Variants in AGO3 observed in about 807,000 individuals in gnomAD.
The protein encoded by AGO3 is protein argonaute-3.
In AGO3, 16 loss-of-function variants were observed where a neutral mutation model predicts 105.5. The observed-to-expected ratio is 0.15, with a 90% CI of 0.10 to 0.23. The LOEUF (loss-of-function observed/expected upper bound fraction) is 0.23, where lower values mean the gene tolerates loss of function less well. AGO3 is among the 10% of genes least tolerant of loss of function. AGO3 has a pLI of 1.00. For synonymous variants in AGO3, 340 were observed against 367.3 expected, an observed-to-expected ratio of 0.93 and a Z score of 0.85; for missense variants, 534 against 1,088.0, an observed-to-expected ratio of 0.49 and a Z score of 7.16.
intron 2 of AGO3, among the ~76,000 whole-genome samples, chr1:35,962,047 GT>G (rs1646686275): frequency 6.6e-6 from 1 of 152,084 alleles, no homozygotes; most frequent in South Asian, 2.1e-4. Context: ...TAACATGCTA[GT>G]CATGTCTTCC....
chr1:35,995,209 A>AAAAAATATATATATAT (rs1237315557), intron 5 of AGO3, among the ~76,000 whole-genome samples: 14 of 114,738 alleles, frequency 1.2e-4, no homozygotes, highest in African/African-American at 4.9e-4. Context: ...TAAAAAAAAA[A>AAAAAATATATATATAT]ATATATATAT....
At chr1:36,019,775 T>TTTGTTTGTTTGTTTGC (rs1641118356) in intron 11 of AGO3, among the ~76,000 whole-genome samples, 1 of 152,202 alleles carries the variant, frequency 6.6e-6, no homozygotes, top group African/African-American at 2.4e-5. Context: ...TGTTTGTTTG[T>TTTGTTTGTTTGTTTGC]TTGTTTGTTT....
intron 17 of AGO3, among the ~76,000 whole-genome samples, chr1:36,047,496 A>C (rs1416872163): frequency 1.3e-5 from 2 of 152,058 alleles, no homozygotes; most frequent in East Asian, 3.9e-4. Context: ...CGCCTCTGAG[A>C]CTTATGAAAC....
intron 5 of AGO3, among the ~76,000 whole-genome samples, chr1:35,978,446 C>A (rs1646992209): frequency 6.6e-6 from 1 of 152,206 alleles, no homozygotes; most frequent in Non-Finnish European, 1.5e-5. Flanking sequence ...CCTCCCTCCG[C>A]CTTCCCAAGT....
chr1:36,004,255 A>C, intron 5 of AGO3, 86 bp from the exon 6 acceptor site: 5 of 1,380,528 alleles, frequency 3.6e-6, no homozygotes, highest in Non-Finnish European at 4.9e-6. Flanking sequence ...TTTTAACCCT[A>C]TAGATAGTTA....
intron 1 of AGO3, among the ~76,000 whole-genome samples, chr1:35,932,509 CA>C (rs1646070818): frequency 6.7e-6 from 1 of 148,946 alleles, no homozygotes; most frequent in Non-Finnish European, 1.5e-5. Flanking sequence ...CAAATGGTTG[CA>C]AAAAAGCACT....
chr1:35,995,209 A>AAAAAAATATATATAT (rs1237315557), intron 5 of AGO3, among the ~76,000 whole-genome samples: 11 of 114,732 alleles, frequency 9.6e-5, no homozygotes, highest in African/African-American at 3.4e-4. Flanking sequence ...TAAAAAAAAA[A>AAAAAAATATATATAT]ATATATATAT....
intron 5 of AGO3, chr1:35,982,935 C>T: frequency 3.1e-6 from 1 of 323,578 alleles, no homozygotes; most frequent in Non-Finnish European, 5.6e-6. Flanking sequence ...CCTAGAGAAG[C>T]AGAACCAGTA....
chr1:35,954,083 A>G (rs1458075157), intron 2 of AGO3, among the ~76,000 whole-genome samples: 2 of 152,214 alleles, frequency 1.3e-5, no homozygotes, highest in Non-Finnish European at 2.9e-5. Context: ...AACATACTTC[A>G]GAAAACACTA....
chr1:36,013,583 G>A, intron 9 of AGO3, 47 bp from the exon 10 acceptor site: 1 of 1,609,096 alleles, frequency 6.2e-7, no homozygotes. Context: ...TAAAGTAGGG[G>A]ATTTGGGGGA....
chr1:36,023,103 A>G (rs1320684170), intron 11 of AGO3, among the ~76,000 whole-genome samples: 1 of 152,222 alleles, frequency 6.6e-6, no homozygotes, highest in Non-Finnish European at 1.5e-5. Context: ...AAGTCAGTTA[A>G]TTATCAGATC....
At chr1:35,954,968 G>A (rs1646537409) in intron 2 of AGO3, among the ~76,000 whole-genome samples, 1 of 152,198 alleles carries the variant, frequency 6.6e-6, no homozygotes, top group Non-Finnish European at 1.5e-5. Flanking sequence ...GTTGTCCAGT[G>A]GACAGGGAGA....
chr1:36,044,485 A>T (rs1385927980), intron 17 of AGO3, among the ~76,000 whole-genome samples: 1 of 151,914 alleles, frequency 6.6e-6, no homozygotes, highest in Non-Finnish European at 1.5e-5. Flanking sequence ...GTACAGTGGC[A>T]TGATCTCGGC....
intron 5 of AGO3, among the ~76,000 whole-genome samples, chr1:35,994,889 T>G (rs955165204): frequency 6.6e-6 from 1 of 152,126 alleles, no homozygotes; most frequent in Non-Finnish European, 1.5e-5. Flanking sequence ...CTCAAATTGT[T>G]AAGAATTTCA....
intron 11 of AGO3, among the ~76,000 whole-genome samples, 168 bp from the exon 12 acceptor site, chr1:36,026,946 A>G (rs961716289): frequency 6.6e-6 from 1 of 152,240 alleles, no homozygotes; most frequent in African/African-American, 2.4e-5. Context: ...TGCAAAATGG[A>G]TTACTGACAG....
At chr1:36,020,192 C>T (rs1641143804) in intron 11 of AGO3, among the ~76,000 whole-genome samples, 1 of 152,202 alleles carries the variant, frequency 6.6e-6, no homozygotes, top group Non-Finnish European at 1.5e-5. Context: ...TGAGTCCATG[C>T]TTAACACTGG....
chr1:36,044,906 A>G (rs1165747290), intron 17 of AGO3, among the ~76,000 whole-genome samples: 2 of 152,236 alleles, frequency 1.3e-5, no homozygotes, highest in Admixed American at 1.3e-4. Flanking sequence ...CTGAGAGTCT[A>G]TAACCCAAAA....
rs1034503420 is a variant in AGO3, at chr1:36,034,159, G to T, written c.1592-15G>T. The T allele has an allele frequency of 4.0e-6, 6 of 1,502,886 alleles. No homozygotes were observed. In the African/African-American group the frequency reaches 8.5e-5, roughly 21 times the overall value. The allele number at this position is 1,502,886 out of a possible 1,614,324, so 93.1% of individuals were successfully genotyped here. On this transcript the variant is annotated splice_polypyrimidine_tract_variant and intron_variant, in intron 12 of 18. Coordinates refer to ENST00000373191, the MANE Select transcript of AGO3 (RefSeq NM_024852.4). The stretch of plus-strand genomic sequence containing the variant: ...GTCTTTTTTTCTGACTAGAGGTTTT[G>T]CATCTATTCCATAGCGGAAGTGAAA...
At position 36,064,546 on chromosome 1, in the gene AGO3, T is replaced by C. The variant is rs1643065327; in HGVS notation, c.*8801T>C. On this transcript the variant is annotated 3_prime_UTR_variant, in exon 19 of 19. Coordinates refer to ENST00000373191, the MANE Select transcript of AGO3 (RefSeq NM_024852.4). ...GTATTCCATCCTCTGGGTTTTCAATTCTAAATTATTGGAGCTCAATGTATG... is the reference window on the plus strand; with the variant it reads ...GTATTCCATCCTCTGGGTTTTCAATCCTAAATTATTGGAGCTCAATGTATG... 1 of 152,196 alleles carries C rather than the reference T, an allele frequency of 6.6e-6. No individual in the cohort carries two copies. The highest frequency in any genetic ancestry group is 1.5e-5 in the Non-Finnish European group (1 of 68,042). The allele number at this position is 152,196 out of a possible 1,614,324, so 9.4% of individuals were successfully genotyped here. A position where few individuals can be genotyped will look rare whatever the true frequency, so the allele number is the denominator to read the frequency against.
Sources: allele counts gnomAD v4.1 joint callset (sites outside exome capture counted in the v4.1 genomes callset), GRCh38; gene constraint gnomAD v4.1.1; transcripts MANE v1.5; gene names NCBI Gene and HGNC (gene_info 2026-07-23, HGNC 2026-07-21).